The following TTC7B variants were observed in gnomAD, a reference collection of about 807,000 sequenced individuals.
TTC7B encodes tetratricopeptide repeat domain 7B, also known as tetratricopeptide repeat protein 7B.
In TTC7B, 28 loss-of-function variants were observed where a neutral mutation model predicts 106.8. The ratio of observed to expected loss-of-function variants is 0.26; its 90% CI spans 0.19 to 0.36. TTC7B has a LOEUF of 0.36. Ranked by LOEUF, TTC7B falls within the 10% of genes least tolerant of loss-of-function variation. The probability of loss-of-function intolerance (pLI) is 1.00; values close to 1 mark genes in which losing one functional copy is unlikely to be tolerated. For missense variants in TTC7B, 862 were observed against 1,076.4 expected, an observed-to-expected ratio of 0.80 and a Z score of 2.79; for synonymous variants, 405 against 430.6, an observed-to-expected ratio of 0.94 and a Z score of 0.74.
At chr14:90,653,487 G>T (rs961480379) in intron 12 of TTC7B, among the ~76,000 whole-genome samples, 5 of 152,198 alleles carry the variant, frequency 3.3e-5, no homozygotes, top group African/African-American at 1.2e-4. Context: ...CATGGAAAAT[G>T]AGCTCAAAAG....
In TTC7B at chr14:90,639,820, T is replaced by C. The variant is rs1210337933; in HGVS notation, c.1751+4228A>G. ...AGGAAATCTTAGTGCATTTACACAA[T>C]AAATACTATTCATTCATGCAAACCA... On this transcript the variant is annotated intron_variant, in intron 15 of 19. Transcript: ENST00000328459. 3.3e-5 allele frequency among the ~76,000 whole-genome samples: 5 copies of C among 152,166 alleles called. No homozygotes were observed. In the South Asian group the frequency reaches 1.0e-3, roughly 31 times the overall value.
At position 90,540,812 on chromosome 14, in the gene TTC7B, C is replaced by G. The variant is rs989631141; in HGVS notation, c.*556G>C. 6.5e-6 allele frequency: 1 copy of G among 153,924 alleles called. No homozygotes were observed. The highest frequency in any genetic ancestry group is 1.5e-5 in the Non-Finnish European group (1 of 68,228). 9.5% of individuals were successfully genotyped at this position (153,924 alleles called of 1,614,324 possible). On this transcript the variant is annotated 3_prime_UTR_variant, in exon 20 of 20. Coordinates refer to ENST00000328459, the MANE Select transcript of TTC7B (RefSeq NM_001010854.2). ...AAATATAAATATTCTCGGACTCAGG[C>G]TTTGTTCTAAGTGAGGACAGTAATT...
chr14:90,758,575 G>GT (rs1300087985), intron 3 of TTC7B, among the ~76,000 whole-genome samples: 1 of 152,222 alleles, frequency 6.6e-6, no homozygotes, highest in African/African-American at 2.4e-5. Context: ...CGCGGCTCCC[G>GT]CGACCCCTGG....
At chr14:90,636,051 G>T (rs2139870688) in intron 15 of TTC7B, among the ~76,000 whole-genome samples, 1 of 151,428 alleles carries the variant, frequency 6.6e-6, no homozygotes, top group Non-Finnish European at 1.5e-5. Context: ...AACCCAGGAG[G>T]CAGAGGTTGC....
At chr14:90,691,021 CA>C (rs1035196620) in intron 6 of TTC7B, among the ~76,000 whole-genome samples, 2 of 152,168 alleles carry the variant, frequency 1.3e-5, no homozygotes, top group African/African-American at 4.8e-5. Context: ...CTCATAAGAA[CA>C]CAATTTTCAG....
At chr14:90,731,562 G>A (rs1355658359) in intron 4 of TTC7B, among the ~76,000 whole-genome samples, 1 of 152,168 alleles carries the variant, frequency 6.6e-6, no homozygotes, top group Non-Finnish European at 1.5e-5. Context: ...ATGTGAACCG[G>A]ATCCCAGCAT....
intron 3 of TTC7B, among the ~76,000 whole-genome samples, chr14:90,766,348 A>C (rs1890681056): frequency 6.6e-6 from 1 of 152,240 alleles, no homozygotes; most frequent in Non-Finnish European, 1.5e-5. Context: ...CTGATGGCAG[A>C]TCTACCAGAC....
chr14:90,736,676 G>A (rs1889541813), intron 4 of TTC7B, among the ~76,000 whole-genome samples: 1 of 151,994 alleles, frequency 6.6e-6, no homozygotes, highest in African/African-American at 2.4e-5. Context: ...CTTGAAGCCA[G>A]GAGTTCAAGA....
chr14:90,767,044 AAG>A lies in TTC7B; in HGVS notation c.445+13692_445+13693del, dbSNP rs1566877669. On this transcript the variant is annotated intron_variant, in intron 3 of 19. Transcript: ENST00000328459. Reference sequence around the variant, plus strand: ...TTTATATACCAAAAAAAAAAAAAAAAAGAAAGAAAGGAAGAAAAGAAATTCTG... The same window carrying A: ...TTTATATACCAAAAAAAAAAAAAAAAAAAGAAAGGAAGAAAAGAAATTCTG... 994 of 795,358 alleles carry A rather than the reference AAG, an allele frequency of 1.2e-3. 21 individuals carry two copies. The highest frequency in any genetic ancestry group is 5.9e-3 in the East Asian group (197 of 33,294). The allele number at this position is 795,358 out of a possible 1,614,324, so 49.3% of individuals were successfully genotyped here.
At chr14:90,645,134 C>G (rs1249503513) in intron 14 of TTC7B, 3 of 152,268 alleles carry the variant, frequency 2.0e-5, no homozygotes, top group African/African-American at 4.8e-5. Flanking sequence ...CGGTCTCGCT[C>G]CAACTCCAGT....
rs376645077 is a variant in TTC7B, at chr14:90,608,093, G to A, written c.1966+2649C>T. ...CTGTGTTGTGGGTGGTTCGCAAGGCGGGCTCTCCACACAGGTGTGTGAATG... is the reference window on the plus strand; with the variant it reads ...CTGTGTTGTGGGTGGTTCGCAAGGCAGGCTCTCCACACAGGTGTGTGAATG... On this transcript the variant is annotated intron_variant, in intron 17 of 19. Transcript: ENST00000328459. This position sits in a 1 kb window ranked among gnomAD's most constrained non-coding sequence, Gnocchi z 5.1. Among the ~76,000 whole-genome samples, 13 of 152,242 alleles carry A rather than the reference G, an allele frequency of 8.5e-5. No individual in the cohort carries two copies. Among genetic ancestry groups the A allele is most frequent in the South Asian group, 2.1e-4 (1 of 4,818 alleles).
chr14:90,631,491 C>T (rs1884701206), intron 15 of TTC7B, among the ~76,000 whole-genome samples: 1 of 151,704 alleles, frequency 6.6e-6, no homozygotes, highest in African/African-American at 2.4e-5. Flanking sequence ...TCACTGAAAC[C>T]TCCGCCTCCC....
At chr14:90,767,046 G>GA (rs796741956) in intron 3 of TTC7B, 1 of 694,010 alleles carries the variant, frequency 1.4e-6, no homozygotes, top group African/African-American at 2.1e-5. Context: ...AAAAAAAAAA[G>GA]AAAGAAAGGA....
chr14:90,695,345 A>G (rs1313046063), intron 6 of TTC7B, among the ~76,000 whole-genome samples, 155 bp downstream of exon 6: 2 of 149,116 alleles, frequency 1.3e-5, no homozygotes, highest in Non-Finnish European at 1.5e-5. Context: ...ACATATATTT[A>G]TTATAAATAT....
Position 90,816,235 on chromosome 14 carries a change from A to G in TTC7B, c.61T>C (p.Cys21Arg). The G allele has an allele frequency of 7.9e-7, 1 of 1,269,668 alleles. No individual in the cohort carries two copies. The highest frequency in any genetic ancestry group is 6.5e-5 in the East Asian group (1 of 15,332). 78.7% of individuals were successfully genotyped at this position (1,269,668 alleles called of 1,614,324 possible). A position where few individuals can be genotyped will look rare whatever the true frequency, so the allele number is the denominator to read the frequency against. Residue 21 changes from cysteine (C) to arginine (R), a missense_variant, in exon 1 of 20, where the codon TGC (cysteine) becomes CGC (arginine). Coordinates refer to ENST00000328459, the MANE Select transcript of TTC7B (RefSeq NM_001010854.2). ...AGCTCAGGGATCCGCTCCCACTGGC[A>G]CTCGGAGCGGCAGCGCTCGATCTCC... ...ETEIERCRSE[C>R]QWERIPELVK...
At chr14:90,803,855 T>C (rs1386587850) in intron 1 of TTC7B, among the ~76,000 whole-genome samples, 1 of 151,580 alleles carries the variant, frequency 6.6e-6, no homozygotes, top group African/African-American at 2.4e-5. Context: ...AGAAGCCTGA[T>C]ACAAGAAAAG....
chr14:90,710,572 G>C (rs1350547165), intron 5 of TTC7B, among the ~76,000 whole-genome samples: 1 of 152,152 alleles, frequency 6.6e-6, no homozygotes, highest in Non-Finnish European at 1.5e-5. Flanking sequence ...GAAAGGAAGA[G>C]TCCATCAATG....
At chr14:90,662,631 C>A (rs183869527) in intron 9 of TTC7B, among the ~76,000 whole-genome samples, 2 of 152,270 alleles carry the variant, frequency 1.3e-5, no homozygotes, top group Admixed American at 1.3e-4. Flanking sequence ...TTCAGGCAAG[C>A]AATTAACCAC....
At position 90,657,310 on chromosome 14, in the gene TTC7B, CAA is replaced by C. The variant is rs1566821937; in HGVS notation, c.1237-34_1237-33del. The C allele has an allele frequency of 3.1e-6, 5 of 1,605,834 alleles. No homozygotes were observed. Among genetic ancestry groups the C allele is most frequent in the Admixed American group, 1.7e-5 (1 of 59,930 alleles). On this transcript the variant is annotated intron_variant, in intron 10 of 19. Coordinates refer to ENST00000328459, the MANE Select transcript of TTC7B (RefSeq NM_001010854.2). The surrounding 1 kb of genome is among the most constrained non-coding windows in gnomAD (Gnocchi z 4.2). ...AAGAGAAGATTATTTCCGTGAAACT[CAA>C]AGTGTTTGACAGAACCGAATACTAC...
Sources: allele counts gnomAD v4.1 joint callset (sites outside exome capture counted in the v4.1 genomes callset), GRCh38; gene constraint gnomAD v4.1.1; non-coding constraint Gnocchi (gnomAD v3.1); transcripts MANE v1.5; gene names NCBI Gene and HGNC (gene_info 2026-07-23, HGNC 2026-07-21).